Variants in NCF2 observed in about 807,000 individuals in gnomAD.
NCF2 encodes neutrophil cytosolic factor 2.
NCF2 carries 45 observed loss-of-function variants against 70.9 expected under a neutral mutation model. That is an observed-to-expected ratio of 0.63 (90% CI 0.50 to 0.81). The LOEUF is 0.81. Ranked by LOEUF, NCF2 falls within the 40% of genes least tolerant of loss-of-function variation. The pLI is 0.00. For missense variants in NCF2, 522 were observed against 631.6 expected, an observed-to-expected ratio of 0.83 and a Z score of 1.86; for synonymous variants, 203 against 233.6, an observed-to-expected ratio of 0.87 and a Z score of 1.19.
chr1:183,588,474 C>CAAAAAAAAAAAAAAAAAAAAAAAAAAA (rs58562761), intron 1 of NCF2, among the ~76,000 whole-genome samples: 1 of 101,910 alleles, frequency 9.8e-6, no homozygotes, highest in Non-Finnish European at 1.9e-5. Context: ...GACTCCATCT[C>CAAAAAAAAAAAAAAAAAAAAAAAAAAA]AAAAAAAAAA....
chr1:183,558,890 CCT>C (rs1339939799), intron 14 of NCF2, among the ~76,000 whole-genome samples: 21 of 152,172 alleles, frequency 1.4e-4, no homozygotes, highest in African/African-American at 4.6e-4. Context: ...AAAATTTCCC[CCT>C]CTCTTTGTCT....
At chr1:183,587,651 T>TGTC (rs1673425930) in intron 1 of NCF2, among the ~76,000 whole-genome samples, 2 of 108,974 alleles carry the variant, frequency 1.8e-5, no homozygotes, top group South Asian at 6.2e-4. Flanking sequence ...AAAGACAAAG[T>TGTC]GGACTATAAG....
intron 7 of NCF2, among the ~76,000 whole-genome samples, chr1:183,568,247 C>A (rs1283908937): frequency 6.6e-6 from 1 of 151,974 alleles, no homozygotes; most frequent in African/African-American, 2.4e-5. Context: ...ACTGCAACCT[C>A]CACCTCCTGA....
intron 2 of NCF2, among the ~76,000 whole-genome samples, chr1:183,578,629 A>T (rs1476137892): frequency 6.6e-6 from 1 of 152,210 alleles, no homozygotes; most frequent in East Asian, 1.9e-4. Flanking sequence ...GCCTCCCAAA[A>T]GTTCTGGAAT....
intron 2 of NCF2, among the ~76,000 whole-genome samples, chr1:183,582,081 C>G (rs1673143429): frequency 6.6e-6 from 1 of 152,262 alleles, no homozygotes; most frequent in South Asian, 2.1e-4. Flanking sequence ...AGAGCTGCAG[C>G]CCTGAAGGGG....
At chr1:183,595,549 T>C (rs1673749659), upstream of NCF2, among the ~76,000 whole-genome samples, 1 of 152,196 alleles carries the variant, frequency 6.6e-6, no homozygotes, top group African/African-American at 2.4e-5. Context: ...CGAGGTGTTA[T>C]CTAGGCTGCT....
chr1:183,582,208 C>G (rs1459177433), intron 2 of NCF2, among the ~76,000 whole-genome samples: 4 of 152,246 alleles, frequency 2.6e-5, no homozygotes. Context: ...CGGCAGCCCC[C>G]GCCTCCCTCT....
upstream of NCF2, among the ~76,000 whole-genome samples, chr1:183,592,674 CATTA>C (rs1250131903): frequency 6.6e-6 from 1 of 152,166 alleles, no homozygotes; most frequent in Non-Finnish European, 1.5e-5. Flanking sequence ...TTGAATAGCA[CATTA>C]ATTATTCCTG....
Position 183,587,635 on chromosome 1 carries a change from A to G in NCF2, c.175-658T>C, listed in dbSNP as rs574228082. Among the ~76,000 whole-genome samples the G allele has an allele frequency of 1.7e-3, 257 of 149,180 alleles. 2 individuals are homozygous for G. The highest frequency in any genetic ancestry group is 2.8e-3 in the Admixed American group (42 of 14,944). On this transcript the variant is annotated intron_variant, in intron 1 of 14. Transcript: ENST00000367535. ...AAAAAAAAAAAAAAAATCCAATGAT[A>G]CAAATAAAGACAAAGTGGACTATAA...
At chr1:183,567,925 A>C (rs1296568750) in intron 7 of NCF2, among the ~76,000 whole-genome samples, 1 of 152,090 alleles carries the variant, frequency 6.6e-6, no homozygotes, top group East Asian at 1.9e-4. Flanking sequence ...GTCTGACTTC[A>C]TGCTTTTAGG....
chr1:183,565,992 T>C (rs1420236621), intron 9 of NCF2, among the ~76,000 whole-genome samples: 1 of 152,114 alleles, frequency 6.6e-6, no homozygotes. Context: ...AAAATCACAG[T>C]AGAAAGAAGA....
chr1:183,573,588 T>C (rs1239373939), intron 4 of NCF2, among the ~76,000 whole-genome samples: 1 of 152,074 alleles, frequency 6.6e-6, no homozygotes, highest in Non-Finnish European at 1.5e-5. Context: ...TCTCTCATGG[T>C]GTAGAGGGCA....
chr1:183,569,005 T>C (rs1383133832), intron 7 of NCF2, 137 bp downstream of exon 7: 1 of 828,468 alleles, frequency 1.2e-6, no homozygotes, highest in Non-Finnish European at 2.1e-6. Context: ...CCTGACATTC[T>C]AGAAGAAGCC....
At chr1:183,564,549 A>T (rs538407059) in intron 10 of NCF2, among the ~76,000 whole-genome samples, 2 of 152,358 alleles carry the variant, frequency 1.3e-5, no homozygotes, top group Admixed American at 6.5e-5. Flanking sequence ...GGGGTACATG[A>T]TCAGAGAAGG....
intron 4 of NCF2, among the ~76,000 whole-genome samples, chr1:183,574,029 G>T (rs1161240537): frequency 6.6e-6 from 1 of 152,256 alleles, no homozygotes; most frequent in Admixed American, 6.5e-5. Context: ...GGCAGAGGCT[G>T]CAGTGAGCTG....
chr1:183,577,744 G>C (rs377173805), intron 2 of NCF2, 37 bp from the exon 3 acceptor site: 1 of 1,382,640 alleles, frequency 7.2e-7, no homozygotes, highest in Non-Finnish European at 1.0e-6. Context: ...CAGTCTAGTG[G>C]ATGGAGAAAT....
At chr1:183,583,322 G>A (rs557403513) in intron 2 of NCF2, among the ~76,000 whole-genome samples, 1 of 152,252 alleles carries the variant, frequency 6.6e-6, no homozygotes, top group East Asian at 1.9e-4. Flanking sequence ...CTAAAGTGCT[G>A]GGATTACAGG....
the NCF2 span, among the ~76,000 whole-genome samples, chr1:183,599,470 C>CTTTCTTTCTTTCTTTCTT: frequency 7.3e-6 from 1 of 137,148 alleles, no homozygotes; most frequent in Non-Finnish European, 1.6e-5. Context: ...TTCTTTCTTT[C>CTTTCTTTCTTTCTTTCTT]TTTCTTTCTT....
chr1:183,555,895 C>G lies in NCF2; in HGVS notation c.*223G>C. 2 of 599,488 alleles carry G rather than the reference C, an allele frequency of 3.3e-6. No homozygotes were observed. Among genetic ancestry groups the G allele is most frequent in the Middle Eastern group, 4.5e-4 (1 of 2,230 alleles). The allele number at this position is 599,488 out of a possible 1,614,324, so 37.1% of individuals were successfully genotyped here. A position where few individuals can be genotyped will look rare whatever the true frequency, so the allele number is the denominator to read the frequency against. On this transcript the variant is annotated 3_prime_UTR_variant, in exon 15 of 15. Transcript: ENST00000367535. ...CACTTCCATCCACTTTTCCTCTCCC[C>G]TAACTCCTCCATTCACCTGTCCCCA... is the stretch of plus-strand genomic sequence containing the variant.
Sources: allele counts gnomAD v4.1 joint callset (sites outside exome capture counted in the v4.1 genomes callset), GRCh38; gene constraint gnomAD v4.1.1; transcripts MANE v1.5; gene names NCBI Gene and HGNC (gene_info 2026-07-23, HGNC 2026-07-21).